Variants in CAPN2 observed in about 807,000 individuals in gnomAD.
CAPN2 encodes the protein calpain 2.
In CAPN2, 92 loss-of-function variants were observed where a neutral mutation model predicts 102.3. The observed-to-expected ratio is 0.90, with a 90% CI of 0.76 to 1.07. CAPN2 has a LOEUF of 1.07. CAPN2 is among the 50% of genes least tolerant of loss of function. CAPN2 has a pLI of 0.00. For synonymous variants in CAPN2, 340 were observed against 355.4 expected (o/e 0.96, Z 0.49); for missense variants, 800 against 909.4 (o/e 0.88, Z 1.55).
chr1:223,747,180 C>A lies in CAPN2; in HGVS notation c.729+15C>A, dbSNP rs571892662. ...GCTCCATCGACGTAAGTCCAGGCTGCCTTCCCTAGCCTCACCCCATCTGCT... is the reference window on the plus strand; with the variant it reads ...GCTCCATCGACGTAAGTCCAGGCTGACTTCCCTAGCCTCACCCCATCTGCT... On this transcript the variant is annotated intron_variant, in intron 5 of 20. Transcript: ENST00000295006. The A allele has an allele frequency of 6.3e-7, 1 of 1,598,534 alleles. No homozygotes were observed. Among genetic ancestry groups the A allele is most frequent in the African/African-American group, 1.3e-5 (1 of 74,700 alleles).
chr1:223,702,776 T>C (rs934580353), intron 1 of CAPN2, among the ~76,000 whole-genome samples: 2 of 152,032 alleles, frequency 1.3e-5, no homozygotes, highest in Non-Finnish European at 2.9e-5. Context: ...ATAGGAGTTA[T>C]TGACCTAGGT....
intron 16 of CAPN2, among the ~76,000 whole-genome samples, chr1:223,768,381 AG>A (rs1661390640): frequency 6.7e-6 from 1 of 150,144 alleles, no homozygotes; most frequent in East Asian, 2.0e-4. Context: ...GGTGTAAGGA[AG>A]GGATCCAGTT....
intron 2 of CAPN2, among the ~76,000 whole-genome samples, chr1:223,737,651 A>G (rs1328967048): frequency 1.5e-5 from 2 of 134,334 alleles, no homozygotes; most frequent in African/African-American, 5.6e-5. Context: ...CTTAGTATTT[A>G]CATATGCCTT....
rs923301868 is a variant in CAPN2 at position 223,756,685 on chromosome 1, A to G, written c.1306-684A>G. On this transcript the variant is annotated intron_variant, in intron 10 of 20. Transcript: ENST00000295006. This position sits in a 1 kb window ranked among gnomAD's most constrained non-coding sequence, Gnocchi z 4.1. ...TGACTTCTACCTGCTCACCCACCTG[A>G]GAAAGGCAGCTGGGCAAATACCATC... Among the ~76,000 whole-genome samples, 1 of 152,184 alleles carries G rather than the reference A, an allele frequency of 6.6e-6. No homozygotes were observed. The highest frequency in any genetic ancestry group is 6.5e-5 in the Admixed American group (1 of 15,278).
At chr1:223,721,129 C>T (rs570464395) in intron 2 of CAPN2, among the ~76,000 whole-genome samples, 34 of 152,318 alleles carry the variant, frequency 2.2e-4, no homozygotes, top group African/African-American at 8.2e-4. Flanking sequence ...TCATTTAAAC[C>T]ATGTTTACAG....
intron 1 of CAPN2, among the ~76,000 whole-genome samples, chr1:223,716,214 C>T (rs1415947762): frequency 1.3e-5 from 2 of 152,198 alleles, no homozygotes; most frequent in Non-Finnish European, 2.9e-5. Flanking sequence ...GTGTTTAGCA[C>T]CACTCTGAAC....
rs1660689172 is a variant in CAPN2, at chr1:223,744,097, C to T, written c.308-3C>T. 6.2e-7 allele frequency: 1 copy of T among 1,601,988 alleles called. No individual in the cohort carries two copies. Among genetic ancestry groups the T allele is most frequent in the South Asian group, 1.1e-5 (1 of 90,866 alleles). On this transcript the variant is annotated splice_region_variant and splice_polypyrimidine_tract_variant and intron_variant, in intron 2 of 20. Coordinates refer to ENST00000295006, the MANE Select transcript of CAPN2 (RefSeq NM_001748.5). ...ATAAGAGCTCCTTGTGCTGTGTTCA[C>T]AGGTGACTGCTGGCTGCTGGCAGCC... is the stretch of plus-strand genomic sequence containing the variant.
intron 14 of CAPN2, 131 bp from the exon 15 acceptor site, chr1:223,764,019 G>A (rs995615493): frequency 4.2e-6 from 3 of 719,494 alleles, no homozygotes; most frequent in South Asian, 1.6e-5. Context: ...CCCCAACATG[G>A]CTCGGGGGCT....
In CAPN2 at chr1:223,726,132, C is replaced by T. The variant is rs1431012390; in HGVS notation, c.307+8301C>T. On this transcript the variant is annotated intron_variant, in intron 2 of 20. Transcript: ENST00000295006. The surrounding 1 kb of genome is among the most constrained non-coding windows in gnomAD (Gnocchi z 4.4). Reference sequence around the variant, plus strand: ...GACTAGTAGTTCAGCTTTGTGAATCCCCTCAGGAAGTCAGGAAAATAGATA... The same window carrying T: ...GACTAGTAGTTCAGCTTTGTGAATCTCCTCAGGAAGTCAGGAAAATAGATA... Among the ~76,000 whole-genome samples the T allele has an allele frequency of 6.6e-6, 1 of 152,068 alleles. No homozygotes were observed. The highest frequency in any genetic ancestry group is 1.5e-5 in the Non-Finnish European group (1 of 68,038).
intron 2 of CAPN2, among the ~76,000 whole-genome samples, chr1:223,718,058 G>T (rs1659928444): frequency 6.6e-6 from 1 of 152,254 alleles, no homozygotes; most frequent in South Asian, 2.1e-4. Context: ...AGGGCTAGTT[G>T]CTGAGGTTAC....
chr1:223,736,762 A>C (rs1660465633), intron 2 of CAPN2, among the ~76,000 whole-genome samples: 1 of 152,238 alleles, frequency 6.6e-6, no homozygotes, highest in Middle Eastern at 3.4e-3. Context: ...AATTAAGTCT[A>C]GGCTGGTCAC....
At chr1:223,769,696 A>C in intron 16 of CAPN2, 145 bp from the exon 17 acceptor site, 1 of 676,156 alleles carries the variant, frequency 1.5e-6, no homozygotes. Flanking sequence ...AGGTTTAGCC[A>C]GTGGGAAAAG....
intron 5 of CAPN2, among the ~76,000 whole-genome samples, chr1:223,747,935 C>G (rs970599051): frequency 6.6e-6 from 1 of 152,176 alleles, no homozygotes; most frequent in African/African-American, 2.4e-5. Context: ...GTCAAGCTGT[C>G]TGGGGTGTAA....
At chr1:223,734,110 T>A (rs1558065074) in intron 2 of CAPN2, among the ~76,000 whole-genome samples, 1 of 152,136 alleles carries the variant, frequency 6.6e-6, no homozygotes, top group Non-Finnish European at 1.5e-5. Flanking sequence ...CAGGAGCTGC[T>A]GTTCTCAGCC....
intron 2 of CAPN2, among the ~76,000 whole-genome samples, chr1:223,720,195 C>G (rs538779294): frequency 5.7e-4 from 87 of 152,256 alleles, no homozygotes; most frequent in African/African-American, 1.9e-3. Flanking sequence ...TCAGACACCC[C>G]CTATGAGTTT....
intron 2 of CAPN2, among the ~76,000 whole-genome samples, chr1:223,722,077 C>T (rs960387954): frequency 2.6e-5 from 4 of 152,028 alleles, no homozygotes; most frequent in African/African-American, 9.7e-5. Context: ...ATTTCATAAT[C>T]TAAGGGTGGA....
At chr1:223,741,966 C>T (rs190685041) in intron 2 of CAPN2, among the ~76,000 whole-genome samples, 113 of 152,134 alleles carry the variant, frequency 7.4e-4, no homozygotes, top group African/African-American at 2.7e-3. Flanking sequence ...GGATGTGTCT[C>T]CGCTTACCAT....
At chr1:223,757,530 GC>G in intron 11 of CAPN2, 150 bp downstream of exon 11, 1 of 823,448 alleles carries the variant, frequency 1.2e-6, no homozygotes, top group Non-Finnish European at 2.0e-6. Flanking sequence ...TGCTGAAGTT[GC>G]CCAGGCTCTA....
At chr1:223,723,177 G>T (rs1200119359) in intron 2 of CAPN2, among the ~76,000 whole-genome samples, 3 of 152,214 alleles carry the variant, frequency 2.0e-5, no homozygotes. Context: ...ACCTGGGCTT[G>T]GTGGCACATG....
Sources: gnomAD v4.1 joint callset for allele counts (sites outside exome capture counted in the v4.1 genomes callset) on GRCh38, gnomAD v4.1.1 for gene constraint, Gnocchi (gnomAD v3.1) non-coding constraint, MANE v1.5 for transcripts, NCBI Gene and HGNC (gene_info 2026-07-23, HGNC 2026-07-21) for gene names.